Variants in ANO1 observed in about 807,000 individuals in gnomAD.
ANO1 encodes anoctamin-1.
Under a neutral mutation model 124.0 loss-of-function variants are expected in ANO1, and 59 were observed. That is an observed-to-expected ratio of 0.48 (90% CI 0.39 to 0.59). The LOEUF is 0.59. Ranked by LOEUF, ANO1 falls within the 20% of genes least tolerant of loss-of-function variation. The pLI is 0.00. For missense variants in ANO1, 1,059 were observed against 1,328.0 expected (o/e 0.80, Z 3.15); for synonymous variants, 529 against 532.0 (o/e 0.99, Z 0.08).
intron 14 of ANO1, among the ~76,000 whole-genome samples, chr11:70,154,894 C>A (rs904690952): frequency 6.6e-6 from 1 of 152,256 alleles, no homozygotes; most frequent in Non-Finnish European, 1.5e-5. Flanking sequence ...CGGATGTGCA[C>A]GCCCGGGTGC....
intron 19 of ANO1, chr11:70,163,676 C>T: frequency 1.8e-6 from 1 of 550,742 alleles, no homozygotes; most frequent in Non-Finnish European, 3.2e-6. Context: ...GTGGCTCATG[C>T]CTGTAATCCC....
chr11:70,096,945 C>T (rs2045002814), intron 2 of ANO1, among the ~76,000 whole-genome samples: 2 of 152,132 alleles, frequency 1.3e-5, no homozygotes, highest in African/African-American at 4.8e-5. Flanking sequence ...GAAAAATTGA[C>T]TTCCACAATA....
At chr11:70,045,969 C>CG (rs782078981) in intron 1 of ANO1, among the ~76,000 whole-genome samples, 1 of 152,118 alleles carries the variant, frequency 6.6e-6, no homozygotes, top group Non-Finnish European at 1.5e-5. Flanking sequence ...TCAACTTAGA[C>CG]GACTGTTCAA....
chr11:70,061,883 T>C (rs1318091352), intron 1 of ANO1, among the ~76,000 whole-genome samples: 3 of 152,038 alleles, frequency 2.0e-5, no homozygotes, highest in Non-Finnish European at 1.5e-5. Context: ...CCTCTGTTGC[T>C]TCCAACTGCA....
intron 1 of ANO1, among the ~76,000 whole-genome samples, chr11:70,069,347 C>G (rs1357205972): frequency 1.3e-5 from 2 of 152,180 alleles, no homozygotes; most frequent in Non-Finnish European, 2.9e-5. Flanking sequence ...GAAACAGGAA[C>G]AGAGGAGTGG....
intron 1 of ANO1, among the ~76,000 whole-genome samples, chr11:70,069,433 G>A (rs1200677917): frequency 6.6e-6 from 1 of 152,086 alleles, no homozygotes; most frequent in South Asian, 2.1e-4. Context: ...AACTCCTTCC[G>A]ATGGGTTTAA....
intron 11 of ANO1, among the ~76,000 whole-genome samples, chr11:70,146,573 G>C (rs1228286200): frequency 1.3e-5 from 2 of 152,106 alleles, no homozygotes; most frequent in Non-Finnish European, 2.9e-5. Flanking sequence ...CATATGAAAG[G>C]GAGTTTATTC....
chr11:69,996,492 C>G (rs1856273794), intron 1 of ANO1, among the ~76,000 whole-genome samples: 2 of 152,240 alleles, frequency 1.3e-5, no homozygotes, highest in African/African-American at 4.8e-5. Context: ...TTTAAATGAT[C>G]ATGTTATTGA....
intron 19 of ANO1, 55 bp from the exon 20 acceptor site, chr11:70,165,415 G>T: frequency 3.4e-6 from 5 of 1,461,566 alleles, no homozygotes; most frequent in Non-Finnish European, 4.7e-6. Flanking sequence ...CTGCAGGGCT[G>T]GGGTCCCTCT....
upstream of ANO1, among the ~76,000 whole-genome samples, chr11:70,077,711 G>T (rs1407052043): frequency 6.6e-6 from 1 of 152,190 alleles, no homozygotes; most frequent in East Asian, 1.9e-4. Context: ...TCTGCAAAAT[G>T]AGGACCCGCA....
At chr11:70,149,616 C>CT (rs2047517944) in intron 11 of ANO1, 94 bp from the exon 12 acceptor site, 1 of 1,352,626 alleles carries the variant, frequency 7.4e-7, no homozygotes, top group African/African-American at 1.5e-5. Flanking sequence ...CGCCATTGCA[C>CT]TACAGCCTGG....
chr11:70,102,944 G>A (rs540072519), intron 2 of ANO1, 122 bp from the exon 3 acceptor site: 18 of 659,772 alleles, frequency 2.7e-5, no homozygotes, highest in East Asian at 1.1e-4. Context: ...GAATGAGGCC[G>A]CGGTAAAAGC....
At chr11:70,145,475 T>C (rs1445108745) in intron 11 of ANO1, among the ~76,000 whole-genome samples, 2 of 152,144 alleles carry the variant, frequency 1.3e-5, no homozygotes, top group Non-Finnish European at 2.9e-5. Flanking sequence ...TTTAAACGTG[T>C]CTGAGCCAAA....
In ANO1 at chr11:70,170,900, C is replaced by A. The variant is rs1590915285; in HGVS notation, c.2211C>A (p.Gly737=). ...CTCTCTCTGCAGTCATCCAGTTTGGCTTCGTCACCCTGTTTGTCGCCTCCT... is the reference window on the plus strand; with the variant it reads ...CTCTCTCTGCAGTCATCCAGTTTGGATTCGTCACCCTGTTTGTCGCCTCCT... The part of the protein sequence containing the change: ...PEYMEMIIQF[G]FVTLFVASFP... Residue 737 remains glycine, a synonymous_variant, in exon 22 of 26, where the codon GGC becomes GGA. Transcript: ENST00000355303. 1 of 1,613,242 alleles carries A rather than the reference C, an allele frequency of 6.2e-7. No homozygotes were observed. The highest frequency in any genetic ancestry group is 1.1e-5 in the South Asian group (1 of 90,874).
chr11:69,976,902 C>T, the ANO1 span, among the ~76,000 whole-genome samples: 58,068 of 152,054 alleles, frequency 0.38, 12,675 homozygotes, highest in South Asian at 0.6. Flanking sequence ...TTTGCCGGGT[C>T]CCTGGCAGGG....
intron 1 of ANO1, chr11:70,056,157 C>G (rs1353712979): frequency 6.6e-6 from 1 of 151,982 alleles, no homozygotes; most frequent in African/African-American, 2.4e-5. Flanking sequence ...GGATTATTTT[C>G]CCTCTGTCTA....
At chr11:70,178,755 G>A (rs1442278984) in intron 22 of ANO1, among the ~76,000 whole-genome samples, 1 of 152,186 alleles carries the variant, frequency 6.6e-6, no homozygotes, top group Non-Finnish European at 1.5e-5. Context: ...GTAGAGATGG[G>A]GTTTTGCCAT....
intron 11 of ANO1, among the ~76,000 whole-genome samples, chr11:70,137,776 G>C (rs2047004621): frequency 6.8e-6 from 1 of 147,132 alleles, no homozygotes. Flanking sequence ...TCTACTCTCT[G>C]GGTCCCAGGT....
intron 10 of ANO1, among the ~76,000 whole-genome samples, chr11:70,130,461 G>T (rs1283338349): frequency 1.3e-5 from 2 of 152,164 alleles, no homozygotes; most frequent in Non-Finnish European, 2.9e-5. Context: ...TCTGCTGCGT[G>T]GCCCTGAACA....
Sources: gnomAD v4.1 joint callset for allele counts (sites outside exome capture counted in the v4.1 genomes callset) on GRCh38, gnomAD v4.1.1 for gene constraint, MANE v1.5 for transcripts, NCBI Gene and HGNC (gene_info 2026-07-23, HGNC 2026-07-21) for gene names.